The following CSMD1 variants were observed in gnomAD, a reference collection of about 807,000 sequenced individuals.
CSMD1 encodes CUB and sushi domain-containing protein 1.
Under a neutral mutation model 417.5 loss-of-function variants are expected in CSMD1, and 213 were observed. That is an observed-to-expected ratio of 0.51 (90% CI 0.46 to 0.57). The LOEUF is 0.57. CSMD1 is among the 20% of genes least tolerant of loss of function. The probability of loss-of-function intolerance (pLI) is 0.00; values close to 1 mark genes in which losing one functional copy is unlikely to be tolerated. For missense variants in CSMD1, 6,923 were observed against 4,529.7 expected, an observed-to-expected ratio of 1.53 and a Z score of -15.17; for synonymous variants, 2,862 against 1,736.8, an observed-to-expected ratio of 1.65 and a Z score of -16.11.
Position 4,227,163 on chromosome 8 carries a change from C to T in CSMD1, c.415+192790G>A, listed in dbSNP as rs2174360. ...AGCCCAGAAAGCACTCAGGCTGCCT[C>T]TTTGCCTGCCCTCATGGTTGCTGAG... On this transcript the variant is annotated intron_variant, in intron 3 of 69. Transcript: ENST00000635120. 8.5e-3 allele frequency among the ~76,000 whole-genome samples: 1,290 copies of T among 152,230 alleles called. 22 individuals carry two copies. Among genetic ancestry groups the T allele is most frequent in the African/African-American group, 0.03 (1,238 of 41,536 alleles).
chr8:4,269,398 C>T (rs1191559178), intron 3 of CSMD1, among the ~76,000 whole-genome samples: 3 of 152,156 alleles, frequency 2.0e-5, no homozygotes, highest in Non-Finnish European at 4.4e-5. Flanking sequence ...TTGAACCACA[C>T]TCCTAAGGCT....
At chr8:4,069,857 T>C (rs1288525760) in intron 3 of CSMD1, among the ~76,000 whole-genome samples, 1 of 152,114 alleles carries the variant, frequency 6.6e-6, no homozygotes, top group Non-Finnish European at 1.5e-5. Flanking sequence ...AAAAGTCTTC[T>C]ATCCGGTACT....
chr8:3,459,693 G>A (rs1446092678), intron 12 of CSMD1, among the ~76,000 whole-genome samples: 1 of 152,114 alleles, frequency 6.6e-6, no homozygotes, highest in African/African-American at 2.4e-5. Context: ...ATATACTTCA[G>A]GAATTGGGTT....
intron 2 of CSMD1, among the ~76,000 whole-genome samples, chr8:4,438,927 A>G (rs1798305053): frequency 1.3e-5 from 2 of 152,248 alleles, no homozygotes; most frequent in Non-Finnish European, 2.9e-5. Context: ...GTAACAATAT[A>G]TGGTGTAGGA....
chr8:2,949,422 G>T, intron 67 of CSMD1, 36 bp from the exon 68 acceptor site: 2 of 1,062,862 alleles, frequency 1.9e-6, no homozygotes, highest in Non-Finnish European at 2.7e-6. Flanking sequence ...GAAATAAAAA[G>T]GTATACGAAG....
chr8:4,088,981 C>A (rs17068884), intron 3 of CSMD1, among the ~76,000 whole-genome samples: 1 of 151,916 alleles, frequency 6.6e-6, no homozygotes, highest in Non-Finnish European at 1.5e-5. Context: ...CTGTTCTGTG[C>A]TCCCTTGGTG....
rs186561146 is a variant in CSMD1, at chr8:3,597,930, A to G, written c.1098-11670T>C. ...CAGCAAACCAACATGGCACATATAT[A>G]CATATGTAACAAACCTGCACGTTGT... is the stretch of plus-strand genomic sequence containing the variant. On this transcript the variant is annotated intron_variant, in intron 8 of 69. Transcript: ENST00000635120. Among the ~76,000 whole-genome samples, 339 of 152,320 alleles carry G rather than the reference A, an allele frequency of 2.2e-3. 1 individual carries two copies. The highest frequency in any genetic ancestry group is 7.8e-3 in the African/African-American group (326 of 41,582).
chr8:4,894,480 G>C (rs1229984902), intron 1 of CSMD1, among the ~76,000 whole-genome samples: 1 of 151,360 alleles, frequency 6.6e-6, no homozygotes, highest in Non-Finnish European at 1.5e-5. Flanking sequence ...TTGAACCCGG[G>C]AGGCAGAGGT....
intron 3 of CSMD1, among the ~76,000 whole-genome samples, chr8:4,214,498 C>T (rs1213244957): frequency 1.3e-5 from 2 of 152,140 alleles, no homozygotes; most frequent in Non-Finnish European, 1.5e-5. Flanking sequence ...GGGTCTTCCT[C>T]TGTTGCCCAG....
Position 4,684,838 on chromosome 8 carries a change from GA to G in CSMD1, c.86-47281del, listed in dbSNP as rs1806271798. On this transcript the variant is annotated intron_variant, in intron 1 of 69. Transcript: ENST00000635120. ...AAAGAGATAGCTTATTCATGTTAAA[GA>G]ATATAATAGACAAACCTGTGCTACT... Among the ~76,000 whole-genome samples, 4 of 152,122 alleles carry G rather than the reference GA, an allele frequency of 2.6e-5. No individual in the cohort carries two copies. The South Asian group carries it at 8.3e-4, about 31-fold the overall frequency.
At chr8:3,722,007 G>A (rs925970151) in intron 6 of CSMD1, among the ~76,000 whole-genome samples, 1 of 152,140 alleles carries the variant, frequency 6.6e-6, no homozygotes, top group Non-Finnish European at 1.5e-5. Flanking sequence ...AGTACACATG[G>A]GTGGAGTTGG....
chr8:4,321,560 C>T lies in CSMD1; in HGVS notation c.415+98393G>A, dbSNP rs932155466. Among the ~76,000 whole-genome samples, 7 of 152,188 alleles carry T rather than the reference C, an allele frequency of 4.6e-5. No homozygotes were observed. The South Asian group carries it at 1.0e-3, about 23-fold the overall frequency. On this transcript the variant is annotated intron_variant, in intron 3 of 69. Transcript: ENST00000635120. ...AGTATCTGGTATATCACAGATATAA[C>T]AGACAATAAATGGTGTGAGTATCTG...
At position 4,230,543 on chromosome 8, in the gene CSMD1, A is replaced by T. The variant is rs192234949; in HGVS notation, c.415+189410T>A. On this transcript the variant is annotated intron_variant, in intron 3 of 69. Transcript: ENST00000635120. The stretch of plus-strand genomic sequence containing the variant: ...TACAGAGTTTTTAGGCCAGTTGCTC[A>T]ATTATATTGGACAATAAAGTCCAAT... 8.5e-5 allele frequency among the ~76,000 whole-genome samples: 13 copies of T among 152,320 alleles called. 1 individual carries two copies. In the East Asian group the frequency reaches 1.7e-3, roughly 20 times the overall value.
In CSMD1 at chr8:4,062,068, G is replaced by A. The variant is rs574661022; in HGVS notation, c.416-29969C>T. On this transcript the variant is annotated intron_variant, in intron 3 of 69. Coordinates refer to ENST00000635120, the MANE Select transcript of CSMD1 (RefSeq NM_033225.6). Reference sequence around the variant, plus strand: ...GCAGAGTGCCAGCTGCCGTGGTGGAGCCAGGTGCCAGGAGAATGGCAAAGC... The same window carrying A: ...GCAGAGTGCCAGCTGCCGTGGTGGAACCAGGTGCCAGGAGAATGGCAAAGC... Among the ~76,000 whole-genome samples, 59 of 152,228 alleles carry A rather than the reference G, an allele frequency of 3.9e-4. 1 individual carries two copies. The highest frequency in any genetic ancestry group is 4.1e-4 in the South Asian group (2 of 4,824).
At chr8:4,839,146 A>G (rs1176469980) in intron 1 of CSMD1, among the ~76,000 whole-genome samples, 1 of 152,150 alleles carries the variant, frequency 6.6e-6, no homozygotes, top group Admixed American at 6.5e-5. Flanking sequence ...TGTGTGTCGT[A>G]ACTAAAACCA....
intron 1 of CSMD1, among the ~76,000 whole-genome samples, chr8:4,880,137 G>C (rs1344118922): frequency 6.6e-6 from 1 of 152,052 alleles, no homozygotes; most frequent in African/African-American, 2.4e-5. Context: ...CTTTCTGCTG[G>C]AAGATATTGT....
chr8:3,917,095 G>C (rs574680086), intron 5 of CSMD1, among the ~76,000 whole-genome samples: 2 of 152,046 alleles, frequency 1.3e-5, no homozygotes, highest in African/African-American at 4.8e-5. Flanking sequence ...CATTTATTCA[G>C]AATTTTAAAA....
chr8:2,946,695 T>G lies in CSMD1; in HGVS notation c.10402+2604A>C, dbSNP rs139324226. ...TGGGTTATTATAAATAATGCTGCTC[T>G]AAGCATTCATGTACAAGTTTTGTGT... On this transcript the variant is annotated intron_variant, in intron 68 of 69. Coordinates refer to ENST00000635120, the MANE Select transcript of CSMD1 (RefSeq NM_033225.6). 4.6e-5 allele frequency among the ~76,000 whole-genome samples: 7 copies of G among 152,368 alleles called. No homozygotes were observed. The East Asian group carries it at 1.3e-3, about 29-fold the overall frequency.
At chr8:3,215,738 G>C (rs1442453436) in intron 29 of CSMD1, among the ~76,000 whole-genome samples, 2 of 152,162 alleles carry the variant, frequency 1.3e-5, no homozygotes, top group Admixed American at 1.3e-4. Flanking sequence ...AAATGAAAAA[G>C]TGTATAACCC....
Sources: gnomAD v4.1 joint callset for allele counts (sites outside exome capture counted in the v4.1 genomes callset) on GRCh38, gnomAD v4.1.1 for gene constraint, MANE v1.5 for transcripts, NCBI Gene and HGNC (gene_info 2026-07-23, HGNC 2026-07-21) for gene names.